TNRC18: variants seen among roughly 807,000 people sequenced by gnomAD.
TNRC18 encodes trinucleotide repeat-containing gene 18 protein.
TNRC18 carries 69 observed loss-of-function variants against 226.7 expected under a neutral mutation model. The observed-to-expected ratio is 0.30, with a 90% CI of 0.25 to 0.37. The LOEUF is 0.37. TNRC18 is among the 10% of genes least tolerant of loss of function. The pLI, the probability that TNRC18 is intolerant of heterozygous loss-of-function variation, is 1.00. For missense variants in TNRC18, 4,754 were observed against 4,256.6 expected, an observed-to-expected ratio of 1.12 and a Z score of -3.25; for synonymous variants, 2,449 against 1,927.6, an observed-to-expected ratio of 1.27 and a Z score of -7.09.
Position 5,394,573 on chromosome 7 carries a change from A to G in TNRC18, c.210T>C (p.Phe70=), listed in dbSNP as rs753801116. The change falls in exon 3 of 30, where the codon TTT becomes TTC. Residue 70 remains phenylalanine, a synonymous_variant. Coordinates refer to ENST00000430969, the MANE Select transcript of TNRC18 (RefSeq NM_001080495.3). This position sits in a 1 kb window ranked among gnomAD's most constrained non-coding sequence, Gnocchi z 4.5. ...PHPGEAFLGS[F]VASGMGPSAS... is the part of the protein sequence containing the mutation. Reference sequence around the variant, plus strand: ...CCGAGGGCCCCATCCCGCTGGCCACAAAGCTGCCCAAGAAGGCCTCGCCTG... The same window carrying G: ...CCGAGGGCCCCATCCCGCTGGCCACGAAGCTGCCCAAGAAGGCCTCGCCTG... 3 of 1,548,774 alleles carry G rather than the reference A, an allele frequency of 1.9e-6. No individual in the cohort carries two copies. The Admixed American group carries it at 6.1e-5, about 31-fold the overall frequency.
At chr7:5,322,339 T>C (rs1788467131) in intron 21 of TNRC18, among the ~76,000 whole-genome samples, 1 of 152,042 alleles carries the variant, frequency 6.6e-6, no homozygotes, top group African/African-American at 2.4e-5. Context: ...TGCTTTGTCA[T>C]CCAGCCTACA....
rs984906886 is a variant in TNRC18 at position 5,361,941 on chromosome 7, C to T, written c.4488G>A (p.Glu1496=). Residue 1496 remains glutamate, a synonymous_variant, in exon 13 of 30, where the codon GAG becomes GAA. Transcript: ENST00000430969. ...RLAEVQRQYK[E]KQRELVKLQR... is the part of the protein sequence containing the mutation. ...GCAGCTTCACCAGCTCACGCTGCTT[C>T]TCCTTGTACTGGCGCTGCACCTCGG... is the stretch of plus-strand genomic sequence containing the variant. The T allele has an allele frequency of 1.2e-6, 2 of 1,608,600 alleles. No individual in the cohort carries two copies. Among genetic ancestry groups the T allele is most frequent in the African/African-American group, 1.3e-5 (1 of 74,876 alleles).
rs908866384 is a variant in TNRC18 at position 5,394,615 on chromosome 7, G to A, written c.188-20C>T. ...CCTCGCCTGCAGAGAGAAGTTGGGA[G>A]GACCGTCAGGCAGACAACCAGGGAG... On this transcript the variant is annotated intron_variant, in intron 2 of 29. Coordinates refer to ENST00000430969, the MANE Select transcript of TNRC18 (RefSeq NM_001080495.3). The surrounding 1 kb of genome is among the most constrained non-coding windows in gnomAD (Gnocchi z 4.5). 6.5e-6 allele frequency: 10 copies of A among 1,533,762 alleles called. No individual in the cohort carries two copies. The African/African-American group carries it at 1.4e-4, about 21-fold the overall frequency.
At chr7:5,351,127 G>A (rs1401049594) in intron 17 of TNRC18, among the ~76,000 whole-genome samples, 1 of 152,022 alleles carries the variant, frequency 6.6e-6, no homozygotes, top group Non-Finnish European at 1.5e-5. Flanking sequence ...CGCTACCAGG[G>A]ATATTTGAAT....
At position 5,313,096 on chromosome 7, in the gene TNRC18, C is replaced by T. The variant is rs755883540; in HGVS notation, c.7795G>A (p.Gly2599Ser). 2.2e-6 allele frequency: 3 copies of T among 1,372,896 alleles called. No homozygotes were observed. The highest frequency in any genetic ancestry group is 1.4e-5 in the African/African-American group (1 of 69,656). 85.0% of individuals were successfully genotyped at this position (1,372,896 alleles called of 1,614,324 possible). A position where few individuals can be genotyped will look rare whatever the true frequency, so the allele number is the denominator to read the frequency against. ...KNGDGGCGTG[G>S]RNCSAASSRA... The stretch of plus-strand genomic sequence containing the variant: ...GAGCTGGCAGCGCTGCAGTTACGGC[C>T]CCCGGTGCCGCAGCCCCCGTCCCCG... The change falls in exon 27 of 30, where the codon GGC (glycine) becomes AGC (serine). Residue 2599 changes from glycine to serine, a missense_variant. Physicochemically the swap from Gly to Ser is moderately conservative, Grantham distance 56 (BLOSUM62 0). Transcript: ENST00000430969.
chr7:5,359,152 A>T (rs1434830534), intron 15 of TNRC18, among the ~76,000 whole-genome samples: 2 of 152,090 alleles, frequency 1.3e-5, no homozygotes, highest in Non-Finnish European at 2.9e-5. Flanking sequence ...ACAGAGGGAG[A>T]TAGCTTTTAG....
Position 5,361,603 on chromosome 7 carries a change from C to T in TNRC18, c.4652G>A (p.Ser1551Asn). 6.5e-7 allele frequency: 1 copy of T among 1,532,516 alleles called. No homozygotes were observed. Among genetic ancestry groups the T allele is most frequent in the Non-Finnish European group, 8.8e-7 (1 of 1,139,722 alleles). 94.9% of individuals were successfully genotyped at this position (1,532,516 alleles called of 1,614,324 possible). A position where few individuals can be genotyped will look rare whatever the true frequency, so the allele number is the denominator to read the frequency against. ...GAGGGGCCAGCCTTACTTTCCGCTA[C>T]TGTGGCCGCTCTTCCCTCTCTTGCG... is the stretch of plus-strand genomic sequence containing the variant. ...PPRKRGKSGHSSGKLSSKSLL... is the reference protein window; with the variant it reads ...PPRKRGKSGHNSGKLSSKSLL... Residue 1551 changes from serine (S) to asparagine (N), a missense_variant, in exon 14 of 30, where the codon AGT becomes AAT. Transcript: ENST00000430969.
At chr7:5,423,227 G>C (rs887634412) in intron 1 of TNRC18, 22 of 152,090 alleles carry the variant, frequency 1.4e-4, no homozygotes, top group African/African-American at 5.1e-4. Context: ...CTGGGGGCTC[G>C]CGTGGGTGCC....
intron 16 of TNRC18, among the ~76,000 whole-genome samples, chr7:5,353,125 C>G (rs892537458): frequency 3.9e-5 from 6 of 152,248 alleles, no homozygotes; most frequent in Admixed American, 1.3e-4. Context: ...CTACCAGCCC[C>G]TGCCCATCGA....
chr7:5,394,492 T>C lies in TNRC18; in HGVS notation c.291A>G (p.Pro97=). ...PLPSDLSFRS[P]TPSNLPMVQL... ...GCACCATGGGCAGGTTGCTAGGGGT[T>C]GGGGAGCGGAAAGACAGGTCAGAGG... The change falls in exon 3 of 30, where the codon CCA becomes CCG. Residue 97 remains proline (P), a synonymous_variant. Transcript: ENST00000430969. This position sits in a 1 kb window ranked among gnomAD's most constrained non-coding sequence, Gnocchi z 4.5. 1 of 1,562,288 alleles carries C rather than the reference T, an allele frequency of 6.4e-7. No homozygotes were observed. The highest frequency in any genetic ancestry group is 8.7e-7 in the Non-Finnish European group (1 of 1,154,842).
chr7:5,330,549 C>T (rs953673725), intron 19 of TNRC18, among the ~76,000 whole-genome samples: 2 of 151,862 alleles, frequency 1.3e-5, no homozygotes, highest in African/African-American at 4.8e-5. Flanking sequence ...TGGTGCCTGT[C>T]CATATGTGAG....
In TNRC18 at chr7:5,307,537, C is replaced by G. The variant is rs572393467; in HGVS notation, c.*569G>C. ...AGACACTCCGGGCTGCAACCCCACC[C>G]GGCTCTGTTCCCCAAGTCTAGGCCA... On this transcript the variant is annotated 3_prime_UTR_variant, in exon 30 of 30. Coordinates refer to ENST00000430969, the MANE Select transcript of TNRC18 (RefSeq NM_001080495.3). 6.0e-5 allele frequency: 27 copies of G among 449,882 alleles called. No homozygotes were observed. The East Asian group carries it at 1.6e-3, about 27-fold the overall frequency. 27.9% of individuals were successfully genotyped at this position (449,882 alleles called of 1,614,324 possible).
intron 16 of TNRC18, 80 bp downstream of exon 16, chr7:5,356,836 G>T (rs1792468803): frequency 3.5e-6 from 5 of 1,440,826 alleles, no homozygotes; most frequent in Middle Eastern, 2.5e-4. Flanking sequence ...GGGGCGGGGG[G>T]GGAAGGAGGA....
Position 5,307,163 on chromosome 7 carries a change from A to ATAATCTAAC in TNRC18, c.*934_*942dup, listed in dbSNP as rs1786613058. The ATAATCTAAC allele has an allele frequency of 6.6e-6, 1 of 151,246 alleles. No homozygotes were observed. Among genetic ancestry groups the ATAATCTAAC allele is most frequent in the African/African-American group, 2.4e-5 (1 of 41,216 alleles). The allele number at this position is 151,246 out of a possible 1,614,324, so 9.4% of individuals were successfully genotyped here. A position where few individuals can be genotyped will look rare whatever the true frequency, so the allele number is the denominator to read the frequency against. On this transcript the variant is annotated 3_prime_UTR_variant, in exon 30 of 30. Coordinates refer to ENST00000430969, the MANE Select transcript of TNRC18 (RefSeq NM_001080495.3). ...GCCGGTGAAGCCGGTGCTAGACACT[A>ATAATCTAAC]TAATCTAACAGGAAATAAAAAATAA...
intron 16 of TNRC18, among the ~76,000 whole-genome samples, chr7:5,356,243 G>A (rs1016906724): frequency 1.3e-5 from 2 of 151,446 alleles, no homozygotes; most frequent in African/African-American, 4.8e-5. Flanking sequence ...TAGGTGGGTC[G>A]GGCCGAACCA....
intron 11 of TNRC18, among the ~76,000 whole-genome samples, chr7:5,367,718 G>A (rs1309441856): frequency 5.9e-5 from 9 of 151,328 alleles, no homozygotes; most frequent in South Asian, 2.1e-4. Context: ...GTGTGCCACC[G>A]TGCCTGGCCA....
In TNRC18 at chr7:5,375,968, G is replaced by A. The variant is rs1794629407; in HGVS notation, c.2799+66C>T. The A allele has an allele frequency of 8.3e-6, 12 of 1,450,158 alleles. No homozygotes were observed. In the South Asian group the frequency reaches 1.4e-4, roughly 17 times the overall value. 89.8% of individuals were successfully genotyped at this position (1,450,158 alleles called of 1,614,324 possible). On this transcript the variant is annotated intron_variant, in intron 9 of 29. Transcript: ENST00000430969. The stretch of plus-strand genomic sequence containing the variant: ...TAACTGTCTGGAGATTCTGCTGGCT[G>A]ACTCGTCTGCCTCGTCACCCATGGG...
chr7:5,420,313 C>A, intron 2 of TNRC18: 1 of 450,736 alleles, frequency 2.2e-6, no homozygotes, highest in South Asian at 1.6e-5. Flanking sequence ...CCCTGCCCGA[C>A]CCGCTCTCTT....
At chr7:5,323,338 C>G (rs184298200) in intron 21 of TNRC18, among the ~76,000 whole-genome samples, 4 of 151,132 alleles carry the variant, frequency 2.6e-5, no homozygotes, top group Admixed American at 1.3e-4. Flanking sequence ...GGCTTCCCCC[C>G]ACCCCCACAC....
Sources: allele counts gnomAD v4.1 joint callset (sites outside exome capture counted in the v4.1 genomes callset), GRCh38; gene constraint gnomAD v4.1.1; non-coding constraint Gnocchi (gnomAD v3.1); transcripts MANE v1.5; gene names NCBI Gene and HGNC (gene_info 2026-07-23, HGNC 2026-07-21).